The following STN1 variants were observed in gnomAD, a reference collection of about 807,000 sequenced individuals.
STN1 encodes the protein STN1 subunit of CST complex.
STN1 carries 29 observed loss-of-function variants against 45.5 expected under a neutral mutation model. That is an observed-to-expected ratio of 0.64 (90% CI 0.47 to 0.87). The LOEUF is 0.87. Ranked by LOEUF, STN1 falls within the 40% of genes least tolerant of loss-of-function variation. The pLI is 0.00. For missense variants in STN1, 376 were observed against 441.4 expected, an observed-to-expected ratio of 0.85 and a Z score of 1.33; for synonymous variants, 148 against 159.0, an observed-to-expected ratio of 0.93 and a Z score of 0.52.
intron 8 of STN1, among the ~76,000 whole-genome samples, chr10:103,889,695 CTTTT>C (rs58738841): frequency 6.6e-5 from 8 of 122,126 alleles, no homozygotes; most frequent in South Asian, 2.9e-4. Flanking sequence ...TTTCTTTTTC[CTTTT>C]TTTTTTTTTT....
At position 103,915,950 on chromosome 10, in the gene STN1, C is replaced by T. The variant is rs1843328112; in HGVS notation, c.133+1512G>A. ...TTGCGCTCCTAAAAGAATGTAATGC[C>T]GCTGCTGATGTGACAGGATGTGGGG... On this transcript the variant is annotated intron_variant, in intron 2 of 9. Coordinates refer to ENST00000224950, the MANE Select transcript of STN1 (RefSeq NM_024928.5). Among the ~76,000 whole-genome samples, 2 of 151,936 alleles carry T rather than the reference C, an allele frequency of 1.3e-5. 1 individual carries two copies. Among genetic ancestry groups the T allele is most frequent in the South Asian group, 4.1e-4 (2 of 4,824 alleles).
intron 9 of STN1, among the ~76,000 whole-genome samples, chr10:103,886,617 G>GT (rs1564911131): frequency 1.3e-5 from 2 of 152,146 alleles, no homozygotes; most frequent in African/African-American, 4.8e-5. Flanking sequence ...ATTAAACCAA[G>GT]TAGAGGGTGA....
intron 2 of STN1, among the ~76,000 whole-genome samples, chr10:103,911,289 C>A (rs1414923588): frequency 1.3e-5 from 2 of 152,136 alleles, no homozygotes; most frequent in Non-Finnish European, 2.9e-5. Context: ...GGCCAGGACA[C>A]AGAGGGGCTG....
At chr10:103,893,236 T>C (rs1163936485) in intron 7 of STN1, among the ~76,000 whole-genome samples, 1 of 152,056 alleles carries the variant, frequency 6.6e-6, no homozygotes, top group Admixed American at 6.5e-5. Context: ...TGGCGCGATC[T>C]CAGCTCACTG....
At chr10:103,905,188 G>T (rs758699472) in intron 3 of STN1, 32 bp from the exon 4 acceptor site, 3 of 1,594,222 alleles carry the variant, frequency 1.9e-6, no homozygotes, top group Non-Finnish European at 2.6e-6. Context: ...GTATAAGAGA[G>T]ATTTGGGCAA....
chr10:103,882,953 A>G, intron 9 of STN1, 112 bp from the exon 10 acceptor site: 2 of 1,050,858 alleles, frequency 1.9e-6, no homozygotes, highest in East Asian at 2.6e-5. Flanking sequence ...GATGATCTTT[A>G]TGCACATTAA....
At chr10:103,910,094 T>C (rs1385297919) in intron 3 of STN1, among the ~76,000 whole-genome samples, 1 of 152,196 alleles carries the variant, frequency 6.6e-6, no homozygotes, top group Non-Finnish European at 1.5e-5. Flanking sequence ...TGGATATAAA[T>C]ATTTTAAAAT....
At chr10:103,888,958 C>A (rs1186384957) in intron 9 of STN1, 114 bp downstream of exon 9, 1 of 721,018 alleles carries the variant, frequency 1.4e-6, no homozygotes, top group Admixed American at 2.1e-5. Flanking sequence ...TATCACCTTT[C>A]CAAGTCACTA....
intron 9 of STN1, among the ~76,000 whole-genome samples, chr10:103,883,939 A>G (rs571014863): frequency 2.0e-5 from 3 of 151,834 alleles, no homozygotes; most frequent in African/African-American, 7.3e-5. Context: ...AAAATACAAA[A>G]ATTAGCCAGG....
intron 3 of STN1, among the ~76,000 whole-genome samples, chr10:103,906,533 T>A (rs895717250): frequency 6.6e-6 from 1 of 152,074 alleles, no homozygotes; most frequent in Admixed American, 6.6e-5. Flanking sequence ...TGGTGGTATG[T>A]GCCTGTAGTC....
At chr10:103,914,352 ATATATATATATATATATATATATTTT>A (rs1359987263) in intron 2 of STN1, among the ~76,000 whole-genome samples, 17 of 18,300 alleles carry the variant, frequency 9.3e-4, no homozygotes, top group African/African-American at 2.4e-3. Context: ...ATATATATAT[ATATATATATATATATATATATATTTT>A]TTTTTTTTTT....
In STN1 at chr10:103,897,645, T is replaced by C. The variant is rs145933230; in HGVS notation, c.656A>G (p.Asn219Ser). The change falls in exon 7 of 10, where the codon AAC becomes AGC. Residue 219 changes from asparagine to serine, a missense_variant. Coordinates refer to ENST00000224950, the MANE Select transcript of STN1 (RefSeq NM_024928.5). The stretch of plus-strand genomic sequence containing the variant: ...CTGCTGGTAAAAGCTCTGCACTCTG[T>C]TCTCCATGAGGAATTCTTTGGCTTT... ...SEKAKEFLME[N>S]RVQSFYQQEL... is the part of the protein sequence containing the mutation. 6.2e-7 allele frequency: 1 copy of C among 1,614,082 alleles called. No individual in the cohort carries two copies. The highest frequency in any genetic ancestry group is 8.5e-7 in the Non-Finnish European group (1 of 1,180,034).
At position 103,882,653 on chromosome 10, in the gene STN1, T is replaced by C. The variant is rs746444684; in HGVS notation, c.*31A>G. 17 of 1,576,746 alleles carry C rather than the reference T, an allele frequency of 1.1e-5. No homozygotes were observed. Among genetic ancestry groups the C allele is most frequent in the Non-Finnish European group, 1.5e-5 (17 of 1,157,298 alleles). The stretch of plus-strand genomic sequence containing the variant: ...CTGGGGGTGAATGCCACCTTATCTT[T>C]GTCCTCCTCAGCTGGTCTGCGTGTC... On this transcript the variant is annotated 3_prime_UTR_variant, in exon 10 of 10. Coordinates refer to ENST00000224950, the MANE Select transcript of STN1 (RefSeq NM_024928.5).
At position 103,882,856 on chromosome 10, in the gene STN1, T is replaced by G. The variant is rs755524472; in HGVS notation, c.950-15A>C. ...CTTCTCCATGTCTGCAGGAAAAAGG[T>G]AGGTGGCTGAGTGTGGACACAACTG... On this transcript the variant is annotated splice_polypyrimidine_tract_variant and intron_variant, in intron 9 of 9. Coordinates refer to ENST00000224950, the MANE Select transcript of STN1 (RefSeq NM_024928.5). 8.7e-6 allele frequency: 14 copies of G among 1,605,208 alleles called. No homozygotes were observed. The East Asian group carries it at 3.1e-4, about 36-fold the overall frequency.
At chr10:103,895,981 T>C (rs927454285) in intron 7 of STN1, among the ~76,000 whole-genome samples, 1 of 152,168 alleles carries the variant, frequency 6.6e-6, no homozygotes, top group African/African-American at 2.4e-5. Context: ...TACGCCATGC[T>C]ACCATCTGTG....
At chr10:103,911,247 C>T (rs1843289153) in intron 2 of STN1, among the ~76,000 whole-genome samples, 1 of 152,146 alleles carries the variant, frequency 6.6e-6, no homozygotes, top group African/African-American at 2.4e-5. Context: ...GGAACCTACC[C>T]ACTGATACCC....
chr10:103,880,200 G>A lies in STN1; in HGVS notation c.*2484C>T, dbSNP rs1458822223. Among the ~76,000 whole-genome samples, 1 of 152,224 alleles carries A rather than the reference G, an allele frequency of 6.6e-6. No homozygotes were observed. The highest frequency in any genetic ancestry group is 1.5e-5 in the Non-Finnish European group (1 of 68,040). Reference sequence around the variant, plus strand: ...TTTTCAACAGAGAGGAGACGTGGGGGTGGTCCCCCTACCCAAAGGCAGGAA... The same window carrying A: ...TTTTCAACAGAGAGGAGACGTGGGGATGGTCCCCCTACCCAAAGGCAGGAA... On this transcript the variant is annotated 3_prime_UTR_variant, in exon 10 of 10. Transcript: ENST00000224950.
At position 103,917,465 on chromosome 10, in the gene STN1, G is replaced by A. The variant is rs1843341395; in HGVS notation, c.130C>T (p.Pro44Ser). 8 of 1,613,280 alleles carry A rather than the reference G, an allele frequency of 5.0e-6. No homozygotes were observed. Among genetic ancestry groups the A allele is most frequent in the Non-Finnish European group, 6.8e-6 (8 of 1,179,604 alleles). ...CCCAGGGTGGCTAGCCACATACCTG[G>A]CACCTGGCGGGACTCCTTCATGTCC... Reference protein sequence around the residue: ...ILDMKESRQVPGVFLYNGHPI... With the variant: ...ILDMKESRQVSGVFLYNGHPI... The change falls in exon 2 of 10, where the codon CCA (proline) becomes TCA (serine). Residue 44 changes from proline (P) to serine (S), a missense_variant. Pro to Ser is a moderately conservative substitution (Grantham distance 74). Transcript: ENST00000224950.
intron 2 of STN1, among the ~76,000 whole-genome samples, chr10:103,914,529 T>G (rs977051325): frequency 2.6e-5 from 4 of 151,644 alleles, no homozygotes; most frequent in African/African-American, 7.3e-5. Context: ...TACTGCTTTT[T>G]AAAACTCAGA....
Sources: allele counts gnomAD v4.1 joint callset (sites outside exome capture counted in the v4.1 genomes callset), GRCh38; gene constraint gnomAD v4.1.1; transcripts MANE v1.5; gene names NCBI Gene and HGNC (gene_info 2026-07-23, HGNC 2026-07-21).